TMEM132B: variants seen among roughly 807,000 people sequenced by gnomAD.
The protein encoded by TMEM132B is transmembrane protein 132B.
In TMEM132B, 18 loss-of-function variants were observed where a neutral mutation model predicts 90.8. That is an observed-to-expected ratio of 0.20 (90% CI 0.14 to 0.29). TMEM132B has a LOEUF of 0.29. Ranked by LOEUF, TMEM132B falls within the 10% of genes least tolerant of loss-of-function variation. The pLI is 1.00. For missense variants in TMEM132B, 1,096 were observed against 1,326.8 expected, an observed-to-expected ratio of 0.83 and a Z score of 2.70; for synonymous variants, 504 against 523.3, an observed-to-expected ratio of 0.96 and a Z score of 0.50.
intron 2 of TMEM132B, among the ~76,000 whole-genome samples, chr12:125,367,667 A>G (rs1319064521): frequency 6.6e-6 from 1 of 152,176 alleles, no homozygotes; most frequent in African/African-American, 2.4e-5. Flanking sequence ...AATGGGGGAA[A>G]TTCTTCCTCA....
intron 1 of TMEM132B, among the ~76,000 whole-genome samples, chr12:125,217,210 A>C (rs1466204167): frequency 2.0e-5 from 3 of 152,148 alleles, no homozygotes; most frequent in Admixed American, 6.5e-5. Context: ...ATGGGCTGGG[A>C]GGCAGAGAGC....
chr12:125,648,530 G>GTTTTTTTTTTTTTTTTT (rs60114108), intron 6 of TMEM132B, among the ~76,000 whole-genome samples: 1 of 132,510 alleles, frequency 7.5e-6, no homozygotes. Flanking sequence ...AAGATCTCCT[G>GTTTTTTTTTTTTTTTTT]TTTTTTTTTT....
chr12:125,561,131 A>G (rs1295959781), intron 4 of TMEM132B, among the ~76,000 whole-genome samples: 1 of 152,236 alleles, frequency 6.6e-6, no homozygotes, highest in African/African-American at 2.4e-5. Context: ...CCAAATGTCC[A>G]TCAATGATAA....
rs777038645 is a variant in TMEM132B at position 125,650,864 on chromosome 12, G to A, written c.1825G>A (p.Glu609Lys). ...WQFDITDLVT[E>K]FMKVEEPKIA... ...GTTTGACATCACTGACCTTGTGACCGAGTTCATGAAGGTGGAGGAGCCGAA... is the reference window on the plus strand; with the variant it reads ...GTTTGACATCACTGACCTTGTGACCAAGTTCATGAAGGTGGAGGAGCCGAA... The change falls in exon 7 of 9, where the codon GAG (glutamate) becomes AAG (lysine). Residue 609 changes from glutamate (E) to lysine (K), a missense_variant. By Grantham distance (56) the Glu-to-Lys change is moderately conservative. Transcript: ENST00000682704. 8 of 1,614,112 alleles carry A rather than the reference G, an allele frequency of 5.0e-6. No homozygotes were observed. Among genetic ancestry groups the A allele is most frequent in the African/African-American group, 1.3e-5 (1 of 75,038 alleles).
intron 2 of TMEM132B, among the ~76,000 whole-genome samples, chr12:125,375,121 G>A (rs1201069354): frequency 6.6e-6 from 1 of 152,168 alleles, no homozygotes. Context: ...AGCACACAAT[G>A]TACTATAATA....
chr12:125,446,013 G>A (rs1410178549), intron 3 of TMEM132B, among the ~76,000 whole-genome samples: 1 of 152,176 alleles, frequency 6.6e-6, no homozygotes, highest in Admixed American at 6.5e-5. Flanking sequence ...CTCCAACAAA[G>A]TCTGAATCCC....
At position 125,492,572 on chromosome 12, in the gene TMEM132B, G is replaced by C. The variant is rs976010013; in HGVS notation, c.1107-26867G>C. The stretch of plus-strand genomic sequence containing the variant: ...GGGCGGACAGGAGCCAGGACTCCTG[G>C]AGGCAGGTGCGTCCAGGGGCCCTGG... On this transcript the variant is annotated intron_variant, in intron 3 of 8. Transcript: ENST00000682704. This position sits in a 1 kb window ranked among gnomAD's most constrained non-coding sequence, Gnocchi z 5.8. Among the ~76,000 whole-genome samples, 1 of 152,152 alleles carries C rather than the reference G, an allele frequency of 6.6e-6. No homozygotes were observed. The highest frequency in any genetic ancestry group is 2.4e-5 in the African/African-American group (1 of 41,424).
At chr12:125,357,609 C>T (rs1877821900) in intron 2 of TMEM132B, among the ~76,000 whole-genome samples, 1 of 152,192 alleles carries the variant, frequency 6.6e-6, no homozygotes, top group Admixed American at 6.5e-5. Flanking sequence ...CCATTAAGTT[C>T]TAAGTAGGCA....
intron 4 of TMEM132B, among the ~76,000 whole-genome samples, chr12:125,553,996 A>G (rs917390188): frequency 1.3e-5 from 2 of 152,236 alleles, no homozygotes; most frequent in Admixed American, 6.5e-5. Context: ...GAACATTACA[A>G]ACTCTCTTCC....
At chr12:125,418,278 C>T (rs887085950) in intron 3 of TMEM132B, among the ~76,000 whole-genome samples, 3 of 151,886 alleles carry the variant, frequency 2.0e-5, no homozygotes, top group Non-Finnish European at 4.4e-5. Context: ...AAAAAGGTTA[C>T]AGGGGAAAAA....
intron 1 of TMEM132B, among the ~76,000 whole-genome samples, chr12:125,316,563 A>G (rs1876280067): frequency 6.9e-5 from 2 of 29,098 alleles, no homozygotes; most frequent in African/African-American, 5.6e-4. Flanking sequence ...CCTGGCTTCC[A>G]TGAAGCTATT....
In TMEM132B at chr12:125,407,128, C is replaced by T. The variant is rs1025148756; in HGVS notation, c.960-8403C>T. ...AGTCCCTCCAGTGGTCAAGCAGATC[C>T]CATGTGGCCCAAGCCTCCCTACTAT... On this transcript the variant is annotated intron_variant, in intron 2 of 8. Transcript: ENST00000682704. The surrounding 1 kb of genome is among the most constrained non-coding windows in gnomAD (Gnocchi z 6.7). Among the ~76,000 whole-genome samples the T allele has an allele frequency of 7.9e-5, 12 of 152,166 alleles. No homozygotes were observed. Among genetic ancestry groups the T allele is most frequent in the Non-Finnish European group, 1.3e-4 (9 of 68,034 alleles).
intron 3 of TMEM132B, among the ~76,000 whole-genome samples, chr12:125,512,635 C>G (rs1787788779): frequency 6.6e-6 from 1 of 152,072 alleles, no homozygotes. Flanking sequence ...AAAGATAAGT[C>G]CCTGATTTAG....
intron 1 of TMEM132B, among the ~76,000 whole-genome samples, chr12:125,225,624 T>A (rs1484118639): frequency 6.6e-6 from 1 of 152,220 alleles, no homozygotes; most frequent in African/African-American, 2.4e-5. Flanking sequence ...GAAGTTTGTT[T>A]CTTTTCCATG....
At chr12:125,274,580 C>A (rs1874937079) in intron 1 of TMEM132B, among the ~76,000 whole-genome samples, 1 of 152,206 alleles carries the variant, frequency 6.6e-6, no homozygotes, top group South Asian at 2.1e-4. Flanking sequence ...ACATTGAGTG[C>A]TGCCTGCGAC....
chr12:125,583,784 A>T, intron 4 of TMEM132B, 67 bp from the exon 5 acceptor site: 2 of 1,569,472 alleles, frequency 1.3e-6, no homozygotes, highest in Non-Finnish European at 1.7e-6. Flanking sequence ...CTTGGTGGAC[A>T]CCCCTCTCCT....
chr12:125,290,653 G>A (rs940305382), intron 1 of TMEM132B, among the ~76,000 whole-genome samples: 2 of 152,204 alleles, frequency 1.3e-5, no homozygotes, highest in African/African-American at 4.8e-5. Context: ...TTTCACTGCT[G>A]CATAGTATTC....
At chr12:125,550,913 A>C (rs778543650) in intron 4 of TMEM132B, among the ~76,000 whole-genome samples, 1 of 152,148 alleles carries the variant, frequency 6.6e-6, no homozygotes, top group Non-Finnish European at 1.5e-5. Flanking sequence ...CCCAGGTTCA[A>C]GTGATTCTCC....
At chr12:125,340,532 G>A (rs1456057446) in intron 1 of TMEM132B, among the ~76,000 whole-genome samples, 1 of 152,054 alleles carries the variant, frequency 6.6e-6, no homozygotes, top group African/African-American at 2.4e-5. Context: ...ATAACATGGT[G>A]GTGGAAATTA....
Sources: gnomAD v4.1 joint callset for allele counts (sites outside exome capture counted in the v4.1 genomes callset) on GRCh38, gnomAD v4.1.1 for gene constraint, Gnocchi (gnomAD v3.1) non-coding constraint, MANE v1.5 for transcripts, NCBI Gene and HGNC (gene_info 2026-07-23, HGNC 2026-07-21) for gene names.